MYO5B: variants seen among roughly 807,000 people sequenced by gnomAD.
MYO5B encodes the protein myosin VB, also known as unconventional myosin-Vb.
A neutral mutation model predicts 229.3 loss-of-function variants in MYO5B; 143 were observed. The ratio of observed to expected loss-of-function variants is 0.62; its 90% CI spans 0.54 to 0.72. The LOEUF is 0.72. Among genes scored for constraint, MYO5B ranks in the 30% least tolerant of loss-of-function variants. The pLI, the probability that MYO5B is intolerant of heterozygous loss-of-function variation, is 0.00. For synonymous variants in MYO5B, 918 were observed against 885.2 expected (o/e 1.04, Z -0.66); for missense variants, 2,321 against 2,331.0 (o/e 1.00, Z 0.09).
chr18:49,946,204 G>T (rs577312492), intron 14 of MYO5B: 1 of 152,166 alleles, frequency 6.6e-6, no homozygotes, highest in Non-Finnish European at 1.5e-5. Flanking sequence ...TTTGAGACCA[G>T]AAGTGTTTCA....
chr18:50,148,596 T>G (rs2032543180), intron 1 of MYO5B, among the ~76,000 whole-genome samples: 1 of 152,226 alleles, frequency 6.6e-6, no homozygotes, highest in African/African-American at 2.4e-5. Context: ...CATGATTATC[T>G]CAATAGATGC....
intron 14 of MYO5B, among the ~76,000 whole-genome samples, chr18:49,939,030 C>T (rs778866570): frequency 1.3e-5 from 2 of 152,028 alleles, no homozygotes; most frequent in Non-Finnish European, 2.9e-5. Context: ...GAGGAGAGGA[C>T]TGAATGAGAG....
At chr18:49,902,890 G>A in intron 20 of MYO5B, 57 bp from the exon 21 acceptor site, 2 of 1,586,516 alleles carry the variant, frequency 1.3e-6, no homozygotes, top group East Asian at 2.3e-5. Flanking sequence ...CAGGAGTGAA[G>A]GAAGCATACA....
At chr18:49,963,052 T>C (rs187747677) in intron 10 of MYO5B, 22 bp from the exon 11 acceptor site, 56 of 1,599,886 alleles carry the variant, frequency 3.5e-5, no homozygotes, top group Middle Eastern at 3.3e-4. Flanking sequence ...AAAGAGAAGA[T>C]AAGAGACGTC....
At chr18:49,892,419 G>A (rs2024726171) in intron 22 of MYO5B, among the ~76,000 whole-genome samples, 1 of 152,188 alleles carries the variant, frequency 6.6e-6, no homozygotes, top group Non-Finnish European at 1.5e-5. Context: ...AATATCGTCA[G>A]AGATGGCAAG....
At position 49,936,272 on chromosome 18, in the gene MYO5B, G is replaced by A. The variant is rs751693653; in HGVS notation, c.1983C>T (p.Asn661=). The change falls in exon 16 of 40, where the codon AAC becomes AAT. Residue 661 remains asparagine (N), a synonymous_variant. Coordinates refer to ENST00000285039, the MANE Select transcript of MYO5B (RefSeq NM_001080467.3). ...TPHYVRCIKP[N]DEKLPFHFDP... ...CTTACTGAAAGGGGAGCTTCTCATCGTTGGGCTTGATGCAGCGGACATAGT... is the reference window on the plus strand; with the variant it reads ...CTTACTGAAAGGGGAGCTTCTCATCATTGGGCTTGATGCAGCGGACATAGT... 1.3e-4 allele frequency: 205 copies of A among 1,600,310 alleles called. No individual in the cohort carries two copies. In the Admixed American group the frequency reaches 2.2e-3, roughly 17 times the overall value.
chr18:49,946,246 T>G (rs990847270), intron 14 of MYO5B: 1 of 152,116 alleles, frequency 6.6e-6, no homozygotes, highest in Non-Finnish European at 1.5e-5. Context: ...TACTTACTGG[T>G]TGAGCATCCC....
At chr18:49,991,396 C>T (rs887368416) in intron 6 of MYO5B, among the ~76,000 whole-genome samples, 4 of 152,102 alleles carry the variant, frequency 2.6e-5, no homozygotes, top group African/African-American at 9.7e-5. Flanking sequence ...GCCACAGACT[C>T]AAACCAGGAC....
chr18:50,099,838 A>G (rs1010154217), intron 1 of MYO5B, among the ~76,000 whole-genome samples: 1 of 152,182 alleles, frequency 6.6e-6, no homozygotes, highest in Middle Eastern at 3.2e-3. Context: ...CTGACATTAG[A>G]TATATAAACT....
chr18:50,133,336 G>A (rs1312377235), intron 1 of MYO5B, among the ~76,000 whole-genome samples: 1 of 152,226 alleles, frequency 6.6e-6, no homozygotes, highest in Non-Finnish European at 1.5e-5. Flanking sequence ...TACATCCCAA[G>A]ATCAGAGAGG....
At chr18:50,153,801 G>A (rs2032637643) in intron 1 of MYO5B, among the ~76,000 whole-genome samples, 1 of 152,194 alleles carries the variant, frequency 6.6e-6, no homozygotes, top group South Asian at 2.1e-4. Flanking sequence ...GGGGAAGTGA[G>A]TGAGTGAGTG....
chr18:50,070,006 T>C (rs906284736), intron 1 of MYO5B, among the ~76,000 whole-genome samples: 3 of 150,956 alleles, frequency 2.0e-5, no homozygotes, highest in African/African-American at 4.9e-5. Flanking sequence ...ACCTGAAATA[T>C]TGCAATTTAG....
intron 1 of MYO5B, among the ~76,000 whole-genome samples, chr18:50,122,796 A>G (rs1282201644): frequency 1.3e-5 from 2 of 152,196 alleles, no homozygotes; most frequent in Non-Finnish European, 2.9e-5. Flanking sequence ...TGGCCTCAAT[A>G]AAAAATAAAA....
At chr18:50,189,416 C>G (rs888981344) in intron 1 of MYO5B, among the ~76,000 whole-genome samples, 2 of 152,186 alleles carry the variant, frequency 1.3e-5, no homozygotes, top group East Asian at 3.8e-4. Context: ...AGAGCTGTTC[C>G]ATTCTCAAGG....
At position 49,858,310 on chromosome 18, in the gene MYO5B, C is replaced by T. The variant is rs1364051025; in HGVS notation, c.3945-1420G>A. ...GCCTTTCATGGCTGGTGCTTTAACC[C>T]AAAGGCACAGCTCACTGGAGGACTG... On this transcript the variant is annotated intron_variant, in intron 29 of 39. Coordinates refer to ENST00000285039, the MANE Select transcript of MYO5B (RefSeq NM_001080467.3). Among the ~76,000 whole-genome samples, 5 of 151,128 alleles carry T rather than the reference C, an allele frequency of 3.3e-5. No individual in the cohort carries two copies. The East Asian group carries it at 9.9e-4, about 30-fold the overall frequency.
At chr18:49,847,527 C>G (rs956177244) in intron 32 of MYO5B, among the ~76,000 whole-genome samples, 3 of 152,194 alleles carry the variant, frequency 2.0e-5, no homozygotes, top group Middle Eastern at 3.2e-3. Context: ...CAGCATCCAG[C>G]ACTGGGGTCC....
At chr18:49,915,517 T>C (rs778916390) in intron 17 of MYO5B, among the ~76,000 whole-genome samples, 17 of 152,256 alleles carry the variant, frequency 1.1e-4, no homozygotes, top group Non-Finnish European at 1.9e-4. Context: ...CTCTGTCTTA[T>C]GGCCTGGGAA....
intron 1 of MYO5B, among the ~76,000 whole-genome samples, chr18:50,091,952 TGA>T (rs2031456963): frequency 6.6e-6 from 1 of 152,146 alleles, no homozygotes; most frequent in South Asian, 2.1e-4. Context: ...GGGACAAATG[TGA>T]TTAGTCAGGG....
chr18:50,160,430 G>A (rs182891186), intron 1 of MYO5B, among the ~76,000 whole-genome samples: 1 of 152,296 alleles, frequency 6.6e-6, no homozygotes. Flanking sequence ...GGGTTCTGTG[G>A]ACCAGTTAAT....
Sources: gnomAD v4.1 joint callset for allele counts (sites outside exome capture counted in the v4.1 genomes callset) on GRCh38, gnomAD v4.1.1 for gene constraint, MANE v1.5 for transcripts, NCBI Gene and HGNC (gene_info 2026-07-23, HGNC 2026-07-21) for gene names.